Variants in ABCB7 observed in about 807,000 individuals in gnomAD.
The protein encoded by ABCB7 is ATP binding cassette subfamily B member 7.
A neutral mutation model predicts 54.4 loss-of-function variants in ABCB7; 7 were observed. The ratio of observed to expected loss-of-function variants is 0.13; its 90% CI spans 0.07 to 0.24. ABCB7 has a LOEUF of 0.24. Among genes scored for constraint, ABCB7 ranks in the 10% least tolerant of loss-of-function variants. The probability of loss-of-function intolerance (pLI) is 1.00; values close to 1 mark genes in which losing one functional copy is unlikely to be tolerated. For missense variants in ABCB7, 356 were observed against 570.4 expected (o/e 0.62, Z 3.83); for synonymous variants, 218 against 207.1 (o/e 1.05, Z -0.45).
chrX:75,120,014 G>A (rs1042390706), intron 1 of ABCB7, among the ~76,000 whole-genome samples: 3 of 111,763 alleles, frequency 2.7e-5, no homozygotes, highest in African/African-American at 6.5e-5. Flanking sequence ...GGACTCTCAT[G>A]GAAAGCTAAA....
At chrX:75,128,374 G>A (rs1382753112) in intron 1 of ABCB7, among the ~76,000 whole-genome samples, 1 of 111,600 alleles carries the variant, frequency 9.0e-6, no homozygotes, top group East Asian at 2.8e-4. Context: ...AACAAATGGT[G>A]TTGGAAAAAC....
At chrX:75,064,169 A>T (rs1250377269) in intron 13 of ABCB7, among the ~76,000 whole-genome samples, 1 of 111,807 alleles carries the variant, frequency 8.9e-6, no homozygotes, top group Non-Finnish European at 1.9e-5. Context: ...CTAGCCCAAA[A>T]CTTTCTAACA....
At chrX:75,131,257 T>C (rs2081971634) in intron 1 of ABCB7, among the ~76,000 whole-genome samples, 1 of 109,019 alleles carries the variant, frequency 9.2e-6, no homozygotes, top group South Asian at 4.0e-4. Context: ...TTTCAAAGCA[T>C]TGAAAGGAAA....
At chrX:75,128,782 G>A (rs1055730385) in intron 1 of ABCB7, among the ~76,000 whole-genome samples, 1 of 111,696 alleles carries the variant, frequency 9.0e-6, no homozygotes, top group South Asian at 3.8e-4. Context: ...AAAAGTGAGC[G>A]AAGGATATGA....
At chrX:75,056,608 G>A (rs962893276) in intron 15 of ABCB7, among the ~76,000 whole-genome samples, 4 of 111,409 alleles carry the variant, frequency 3.6e-5, no homozygotes, top group African/African-American at 1.3e-4. Flanking sequence ...CAAGATCTGG[G>A]TGCCAAGTAT....
At chrX:75,127,142 G>C (rs769834646) in intron 1 of ABCB7, among the ~76,000 whole-genome samples, 117 of 111,304 alleles carry the variant, frequency 1.1e-3, no homozygotes, top group African/African-American at 3.7e-3. Flanking sequence ...TGATGAACAA[G>C]GATGCGAAAA....
At chrX:75,149,118 AAGGAACTATACCCTT>A (rs1418361077) in intron 1 of ABCB7, among the ~76,000 whole-genome samples, 1 of 111,553 alleles carries the variant, frequency 9.0e-6, no homozygotes, top group Non-Finnish European at 1.9e-5. Flanking sequence ...ATCAGCACCT[AAGGAACTATACCCTT>A]AGGATGCGGT....
At chrX:75,118,858 C>T (rs1032322164) in intron 1 of ABCB7, among the ~76,000 whole-genome samples, 8 of 111,342 alleles carry the variant, frequency 7.2e-5, no homozygotes, top group Non-Finnish European at 1.5e-4. Context: ...CTGATTCCCT[C>T]TTTTTGGGAT....
At chrX:75,144,984 T>C (rs1291423041) in intron 1 of ABCB7, among the ~76,000 whole-genome samples, 1 of 110,714 alleles carries the variant, frequency 9.0e-6, no homozygotes, top group Non-Finnish European at 1.9e-5. Flanking sequence ...GTCTTCTCTA[T>C]GTCCCACAAG....
At chrX:75,077,125 A>T (rs2081417185) in intron 4 of ABCB7, among the ~76,000 whole-genome samples, 1 of 112,157 alleles carries the variant, frequency 8.9e-6, no homozygotes, top group South Asian at 3.7e-4. Context: ...AAATATTTTT[A>T]AAATAATTTG....
At chrX:75,074,827 G>A (rs1024129694) in intron 6 of ABCB7, among the ~76,000 whole-genome samples, 4 of 110,804 alleles carry the variant, frequency 3.6e-5, no homozygotes, top group African/African-American at 1.3e-4. Flanking sequence ...ATGGACACTG[G>A]GGCCTATTGA....
At chrX:75,057,444 C>T (rs1280534348) in intron 15 of ABCB7, among the ~76,000 whole-genome samples, 2 of 108,818 alleles carry the variant, frequency 1.8e-5, no homozygotes, top group East Asian at 5.7e-4. Flanking sequence ...CTGGTCTCCA[C>T]CTCCTGGGCT....
At chrX:75,140,370 T>G (rs1003078681) in intron 1 of ABCB7, among the ~76,000 whole-genome samples, 1 of 110,929 alleles carries the variant, frequency 9.0e-6, no homozygotes, top group African/African-American at 3.3e-5. Context: ...TTCAAGTCCA[T>G]CGTGGGCAAT....
chrX:75,091,951 A>T lies in ABCB7; in HGVS notation c.453+6991T>A, dbSNP rs181347706. ...AGCTAAATAAATGGAGAGATACTCC[A>T]TGTTCATGTATGGGAAGACTCAATA... On this transcript the variant is annotated intron_variant, in intron 4 of 15. Coordinates refer to ENST00000373394, the MANE Select transcript of ABCB7 (RefSeq NM_001271696.3). 1.7e-3 allele frequency among the ~76,000 whole-genome samples: 188 copies of T among 111,855 alleles called. 4 individuals carry two copies. The Admixed American group carries it at 0.018, about 10-fold the overall frequency.
chrX:75,124,858 T>C (rs1348036993), intron 1 of ABCB7, among the ~76,000 whole-genome samples: 1 of 111,523 alleles, frequency 9.0e-6, no homozygotes, highest in Non-Finnish European at 1.9e-5. Context: ...GATGAGATAA[T>C]GTAATAAAAG....
In ABCB7 at chrX:75,093,762, T is replaced by TTAATAA. The variant is rs79978805; in HGVS notation, c.453+5174_453+5179dup. On this transcript the variant is annotated intron_variant, in intron 4 of 15. Transcript: ENST00000373394. ...TAAAACTTCTCTAAGATATAGTATTTTAATAATAATAATAATAATACCAGG... is the reference window on the plus strand; with the variant it reads ...TAAAACTTCTCTAAGATATAGTATTTTAATAATAATAATAATAATAATAATACCAGG... Among the ~76,000 whole-genome samples, 383 of 100,878 alleles carry TTAATAA rather than the reference T, an allele frequency of 3.8e-3. 2 individuals are homozygous for TTAATAA. The highest frequency in any genetic ancestry group is 0.018 in the South Asian group (37 of 2,081). 87.6% of individuals were successfully genotyped at this position (100,878 alleles called of 115,157 possible).
chrX:75,134,863 A>G (rs907209510), intron 1 of ABCB7, among the ~76,000 whole-genome samples: 1 of 111,682 alleles, frequency 9.0e-6, no homozygotes, highest in Non-Finnish European at 1.9e-5. Context: ...AAATGCCCAC[A>G]TCAAAAAGTT....
chrX:75,070,892 C>T (rs1370337771), intron 9 of ABCB7, among the ~76,000 whole-genome samples: 1 of 110,003 alleles, frequency 9.1e-6, no homozygotes, highest in East Asian at 2.9e-4. Flanking sequence ...ATAGATATCA[C>T]GATTAAGGAT....
At chrX:75,099,896 A>G (rs905248830) in intron 3 of ABCB7, among the ~76,000 whole-genome samples, 7 of 109,801 alleles carry the variant, frequency 6.4e-5, no homozygotes, top group Non-Finnish European at 1.3e-4. Context: ...TGAAAAAGAA[A>G]AAAGTAAAAA....
Sources: allele counts gnomAD v4.1 joint callset (sites outside exome capture counted in the v4.1 genomes callset), GRCh38; gene constraint gnomAD v4.1.1; transcripts MANE v1.5; gene names NCBI Gene and HGNC (gene_info 2026-07-23, HGNC 2026-07-21).